Variants in NRG3 observed in about 807,000 individuals in gnomAD.
The protein encoded by NRG3 is pro-neuregulin-3, membrane-bound isoform.
Under a neutral mutation model 66.9 loss-of-function variants are expected in NRG3, and 31 were observed. The ratio of observed to expected loss-of-function variants is 0.46; its 90% CI spans 0.35 to 0.63. The LOEUF is 0.63. NRG3 is among the 20% of genes least tolerant of loss of function. The pLI is 0.00. For synonymous variants in NRG3, 393 were observed against 359.4 expected (o/e 1.09, Z -1.06); for missense variants, 910 against 878.9 (o/e 1.04, Z -0.45).
intron 2 of NRG3, among the ~76,000 whole-genome samples, chr10:82,709,664 A>C (rs556458225): frequency 7.2e-5 from 11 of 151,956 alleles, no homozygotes; most frequent in Non-Finnish European, 4.4e-5. Context: ...GCGGCTGTTT[A>C]AGCTTGGCTT....
In NRG3 at chr10:82,945,532, G is replaced by A. The variant is rs376412047; in HGVS notation, c.1055-5937G>A. On this transcript the variant is annotated intron_variant, in intron 4 of 8. Coordinates refer to ENST00000372141, the MANE Select transcript of NRG3 (RefSeq NM_001010848.4). ...CAAAAGCATAGCGCCAGCATCTGGT[G>A]AGGGCAGTTCTATGGCAGAAGGGGG... is the stretch of plus-strand genomic sequence containing the variant. Among the ~76,000 whole-genome samples the A allele has an allele frequency of 9.8e-5, 15 of 152,286 alleles. 1 individual carries two copies. The East Asian group carries it at 2.9e-3, about 29-fold the overall frequency.
At chr10:82,862,901 G>T (rs1018914645) in intron 3 of NRG3, among the ~76,000 whole-genome samples, 19 of 152,058 alleles carry the variant, frequency 1.2e-4, no homozygotes, top group Non-Finnish European at 2.5e-4. Context: ...ATGCAGGTTT[G>T]TTACATAGGT....
chr10:82,135,306 G>A (rs1400640297), intron 1 of NRG3, among the ~76,000 whole-genome samples: 1 of 151,926 alleles, frequency 6.6e-6, no homozygotes, highest in African/African-American at 2.4e-5. Context: ...ATTGTTAAAT[G>A]TCTTGAGGTA....
intron 1 of NRG3, among the ~76,000 whole-genome samples, chr10:82,059,246 A>T (rs1034323891): frequency 6.6e-6 from 1 of 152,192 alleles, no homozygotes; most frequent in Non-Finnish European, 1.5e-5. Context: ...AGCACTTTTT[A>T]TACTGGATAG....
chr10:82,861,286 TAATA>T (rs1283114627), intron 3 of NRG3, among the ~76,000 whole-genome samples: 1 of 152,090 alleles, frequency 6.6e-6, no homozygotes, highest in Non-Finnish European at 1.5e-5. Context: ...TATAAAAAAT[TAATA>T]AATAATTTCC....
intron 7 of NRG3, 43 bp downstream of exon 7, chr10:82,973,958 G>C (rs1365146622): frequency 1.2e-6 from 2 of 1,610,132 alleles, no homozygotes; most frequent in Admixed American, 1.7e-5. Flanking sequence ...CCTTCACACT[G>C]TGTGTATGCT....
At chr10:82,460,880 A>G in intron 2 of NRG3, among the ~76,000 whole-genome samples, 1 of 152,166 alleles carries the variant, frequency 6.6e-6, no homozygotes, top group East Asian at 1.9e-4. Flanking sequence ...TTCAGGACGT[A>G]TGCATTATTT....
At position 82,068,705 on chromosome 10, in the gene NRG3, G is replaced by A. The variant is rs80319382; in HGVS notation, c.823+192542G>A. On this transcript the variant is annotated intron_variant, in intron 1 of 8. Transcript: ENST00000372141. ...CACCAGAGGGAGCGGGCAGGGAAAG[G>A]GGGAGAGTGTTCCAGGAATGCAGAG... 1.3e-4 allele frequency among the ~76,000 whole-genome samples: 20 copies of A among 152,290 alleles called. No homozygotes were observed. In the East Asian group the frequency reaches 3.9e-3, roughly 29 times the overall value.
chr10:82,671,610 T>C (rs536860479), intron 2 of NRG3, among the ~76,000 whole-genome samples: 15 of 152,324 alleles, frequency 9.8e-5, no homozygotes, highest in African/African-American at 3.6e-4. Context: ...ACCCTGTCAT[T>C]GGCTCTGTGA....
At chr10:82,582,548 G>T (rs1316161161) in intron 2 of NRG3, among the ~76,000 whole-genome samples, 1 of 152,062 alleles carries the variant, frequency 6.6e-6, no homozygotes, top group Non-Finnish European at 1.5e-5. Context: ...ACTTGGCCAG[G>T]TTTGTAACAA....
At chr10:82,972,781 C>T (rs572912677) in intron 6 of NRG3, among the ~76,000 whole-genome samples, 44 of 151,984 alleles carry the variant, frequency 2.9e-4, no homozygotes, top group Non-Finnish European at 3.2e-4. Flanking sequence ...TTTATTATCT[C>T]ACCATATAGA....
intron 1 of NRG3, among the ~76,000 whole-genome samples, chr10:81,895,274 G>A (rs1379810988): frequency 6.6e-6 from 1 of 152,092 alleles, no homozygotes; most frequent in African/African-American, 2.4e-5. Context: ...TAAGATAGAG[G>A]GATGCTGCCT....
chr10:82,329,833 CCA>C (rs2082055774), intron 1 of NRG3, among the ~76,000 whole-genome samples: 1 of 152,140 alleles, frequency 6.6e-6, no homozygotes, highest in Admixed American at 6.5e-5. Context: ...CTCAGGAAGG[CCA>C]CGCTCTAGGC....
intron 1 of NRG3, among the ~76,000 whole-genome samples, chr10:82,287,940 G>A (rs1003726706): frequency 8.5e-5 from 13 of 152,120 alleles, no homozygotes; most frequent in South Asian, 2.1e-4. Context: ...AGTAAATTCT[G>A]TGTCAACAAA....
At chr10:82,120,534 G>A (rs10884225) in intron 1 of NRG3, among the ~76,000 whole-genome samples, 20,965 of 151,912 alleles carry the variant, frequency 0.14, 2,265 homozygotes, top group East Asian at 0.3. Context: ...CCTTGGCTTT[G>A]GTTTTCTTAT....
chr10:82,248,282 T>G (rs532376501), intron 1 of NRG3, among the ~76,000 whole-genome samples: 112 of 152,326 alleles, frequency 7.4e-4, no homozygotes, highest in South Asian at 3.3e-3. Flanking sequence ...GCATGTCAAT[T>G]TATACCTTTG....
intron 1 of NRG3, among the ~76,000 whole-genome samples, chr10:82,006,417 T>G (rs1197077764): frequency 6.6e-6 from 1 of 152,172 alleles, no homozygotes; most frequent in Non-Finnish European, 1.5e-5. Flanking sequence ...CTTTTTACTT[T>G]GCTTATAATG....
At chr10:81,931,625 G>A (rs944995062) in intron 1 of NRG3, among the ~76,000 whole-genome samples, 2 of 151,986 alleles carry the variant, frequency 1.3e-5, no homozygotes, top group Non-Finnish European at 2.9e-5. Flanking sequence ...ATCACCTGAC[G>A]GTGCCTATTC....
chr10:82,790,400 C>A (rs909478655), intron 3 of NRG3, among the ~76,000 whole-genome samples: 41 of 152,028 alleles, frequency 2.7e-4, no homozygotes, highest in African/African-American at 9.4e-4. Flanking sequence ...AATATGTCAT[C>A]CCACCACATC....
Sources: gnomAD v4.1 joint callset for allele counts (sites outside exome capture counted in the v4.1 genomes callset) on GRCh38, gnomAD v4.1.1 for gene constraint, MANE v1.5 for transcripts, NCBI Gene and HGNC (gene_info 2026-07-23, HGNC 2026-07-21) for gene names.